Variants in PISD observed in about 807,000 individuals in gnomAD.
The protein encoded by PISD is phosphatidylserine decarboxylase, also known as phosphatidylserine decarboxylase proenzyme, mitochondrial.
PISD carries 31 observed loss-of-function variants against 43.5 expected under a neutral mutation model. That is an observed-to-expected ratio of 0.71 (90% CI 0.54 to 0.96). The LOEUF (loss-of-function observed/expected upper bound fraction) is 0.96. Among genes scored for constraint, PISD ranks in the 40% least tolerant of loss-of-function variants. PISD has a pLI of 0.00. For synonymous variants in PISD, 259 were observed against 228.7 expected, an observed-to-expected ratio of 1.13 and a Z score of -1.20; for missense variants, 523 against 548.4, an observed-to-expected ratio of 0.95 and a Z score of 0.46.
chr22:31,644,234 A>C (rs1175378065), intron 3 of PISD, among the ~76,000 whole-genome samples: 1 of 150,376 alleles, frequency 6.6e-6, no homozygotes, highest in Non-Finnish European at 1.5e-5. Flanking sequence ...TCAAATTCAT[A>C]ATTTTTTCTT....
At chr22:31,634,729 T>C (rs998279174) in intron 3 of PISD, among the ~76,000 whole-genome samples, 1 of 145,642 alleles carries the variant, frequency 6.9e-6, no homozygotes, top group Non-Finnish European at 1.5e-5. Flanking sequence ...TCCCAGCTAC[T>C]CGGGAGGCTG....
chr22:31,625,906 T>C (rs1439686342), intron 3 of PISD: 11 of 1,540,024 alleles, frequency 7.1e-6, no homozygotes, highest in South Asian at 2.4e-5. Context: ...GCAGATCTCC[T>C]GTGCTGTCAC....
At chr22:31,636,028 G>A (rs2073420247) in intron 3 of PISD, among the ~76,000 whole-genome samples, 1 of 152,196 alleles carries the variant, frequency 6.6e-6, no homozygotes, top group Non-Finnish European at 1.5e-5. Context: ...TTATAGATGA[G>A]AATAATAAAG....
Position 31,618,520 on chromosome 22 carries a change from T to C in PISD, c.*1092A>G. On this transcript the variant is annotated 3_prime_UTR_variant, in exon 8 of 8. Transcript: ENST00000439502. ...AAGTTTGATTTTTTTTATTTCAAAA[T>C]GCTTTGCAATTAAATGAATTACTGT... 2 of 1,171,400 alleles carry C rather than the reference T, an allele frequency of 1.7e-6. No homozygotes were observed. The allele number at this position is 1,171,400 out of a possible 1,614,324, so 72.6% of individuals were successfully genotyped here.
At chr22:31,629,383 AGT>A (rs1439576516) in intron 3 of PISD, 7 of 162,910 alleles carry the variant, frequency 4.3e-5, no homozygotes, top group South Asian at 2.5e-4. Context: ...TGTAGGTGTG[AGT>A]GTGTTATGCG....
intron 3 of PISD, among the ~76,000 whole-genome samples, chr22:31,637,167 ATATAT>A (rs2073518900): frequency 1.0e-4 from 2 of 19,226 alleles, no homozygotes; most frequent in Non-Finnish European, 1.7e-4. Flanking sequence ...AAAAAAAAAT[ATATAT>A]ATATATATAT....
Position 31,644,531 on chromosome 22 carries a change from G to T in PISD, c.321+3570C>A, listed in dbSNP as rs113736805. On this transcript the variant is annotated intron_variant, in intron 3 of 7. Coordinates refer to ENST00000439502, the MANE Select transcript of PISD (RefSeq NM_001326411.2). ...TGGGATTACAGGCATGAGCCACCACGCCCAGCCTCAAATTCATAATTTTTA... is the reference window on the plus strand; with the variant it reads ...TGGGATTACAGGCATGAGCCACCACTCCCAGCCTCAAATTCATAATTTTTA... 2.2e-4 allele frequency among the ~76,000 whole-genome samples: 34 copies of T among 152,048 alleles called. 1 individual carries two copies. The South Asian group carries it at 6.4e-3, about 29-fold the overall frequency.
At chr22:31,629,054 T>G in intron 3 of PISD, 2 of 985,482 alleles carry the variant, frequency 2.0e-6, no homozygotes, top group Non-Finnish European at 2.4e-6. Context: ...ACATGCTGTT[T>G]TGGGGATCCA....
chr22:31,641,777 GC>G (rs1569489280), intron 3 of PISD, among the ~76,000 whole-genome samples: 1 of 151,094 alleles, frequency 6.6e-6, no homozygotes, highest in African/African-American at 2.5e-5. Context: ...CTGAGATCGC[GC>G]CACTGCACTC....
intron 3 of PISD, among the ~76,000 whole-genome samples, chr22:31,623,410 T>A (rs2072690373): frequency 6.6e-6 from 1 of 152,218 alleles, no homozygotes; most frequent in Non-Finnish European, 1.5e-5. Context: ...ACTGGGTTCC[T>A]TCCAGAACCA....
At chr22:31,638,467 G>A in intron 3 of PISD, 1 of 985,158 alleles carries the variant, frequency 1.0e-6, no homozygotes, top group Non-Finnish European at 1.2e-6. Context: ...GGGAAGTGGG[G>A]AGAACAGGGA....
rs1203313553 is a variant in PISD at position 31,637,155 on chromosome 22, AAAAAAAAAAATATATATATATAT to A, written c.321+10923_321+10945del. ...ATAATAAATAAATTAAAAAAAAAAA[AAAAAAAAAAATATATATATATAT>A]ATATATATATATATATATATATATA... On this transcript the variant is annotated intron_variant, in intron 3 of 7. Coordinates refer to ENST00000439502, the MANE Select transcript of PISD (RefSeq NM_001326411.2). Among the ~76,000 whole-genome samples the A allele has an allele frequency of 2.3e-3, 103 of 44,798 alleles. 6 individuals carry two copies. The highest frequency in any genetic ancestry group is 0.015 in the South Asian group (19 of 1,262). The allele number at this position is 44,798 out of a possible 152,430, so 29.4% of individuals were successfully genotyped here. A position where few individuals can be genotyped will look rare whatever the true frequency, so the allele number is the denominator to read the frequency against.
At chr22:31,644,333 G>A (rs186302423) in intron 3 of PISD, among the ~76,000 whole-genome samples, 7 of 150,522 alleles carry the variant, frequency 4.7e-5, no homozygotes, top group East Asian at 2.0e-4. Flanking sequence ...TCCACCTCCC[G>A]GGTTCACGCC....
intron 1 of PISD, among the ~76,000 whole-genome samples, chr22:31,658,082 T>C (rs1322941236): frequency 1.3e-5 from 2 of 152,250 alleles, no homozygotes; most frequent in East Asian, 3.8e-4. Flanking sequence ...ATTTGTTTAC[T>C]GTATGTATAC....
intron 2 of PISD, among the ~76,000 whole-genome samples, chr22:31,648,780 G>C (rs2073954549): frequency 6.6e-6 from 1 of 151,956 alleles, no homozygotes; most frequent in African/African-American, 2.4e-5. Flanking sequence ...AATTCTGTCA[G>C]TACGTACAGG....
chr22:31,658,940 A>G (rs1202290076), intron 1 of PISD, among the ~76,000 whole-genome samples: 1 of 151,030 alleles, frequency 6.6e-6, no homozygotes, highest in African/African-American at 2.4e-5. Flanking sequence ...TGCAGCCTCA[A>G]CCTCCTGGGC....
At chr22:31,637,204 T>TATATAC (rs1267117734) in intron 3 of PISD, among the ~76,000 whole-genome samples, 3 of 95,796 alleles carry the variant, frequency 3.1e-5, no homozygotes, top group African/African-American at 1.3e-4. Context: ...TATATATATA[T>TATATAC]ATAGAAAAAT....
intron 3 of PISD, among the ~76,000 whole-genome samples, chr22:31,643,889 A>C (rs1348628263): frequency 6.6e-6 from 1 of 152,158 alleles, no homozygotes; most frequent in African/African-American, 2.4e-5. Flanking sequence ...TCTACTAAAA[A>C]TACAAAAAAT....
intron 1 of PISD, among the ~76,000 whole-genome samples, chr22:31,652,183 C>T (rs1479614338): frequency 2.0e-5 from 3 of 151,944 alleles, no homozygotes; most frequent in Non-Finnish European, 2.9e-5. Flanking sequence ...CTCTGTTACC[C>T]AGGCTGGAGC....
Sources: allele counts gnomAD v4.1 joint callset (sites outside exome capture counted in the v4.1 genomes callset), GRCh38; gene constraint gnomAD v4.1.1; transcripts MANE v1.5; gene names NCBI Gene and HGNC (gene_info 2026-07-23, HGNC 2026-07-21).